THSD7B: variants seen among roughly 807,000 people sequenced by gnomAD.
THSD7B encodes the protein thrombospondin type 1 domain containing 7B, also known as thrombospondin type-1 domain-containing protein 7B.
Under a neutral mutation model 213.6 loss-of-function variants are expected in THSD7B, and 138 were observed. That is an observed-to-expected ratio of 0.65 (90% confidence interval 0.56 to 0.74). The LOEUF (loss-of-function observed/expected upper bound fraction) is 0.74, where lower values mean the gene tolerates loss of function less well. THSD7B is among the 30% of genes least tolerant of loss of function. The probability of loss-of-function intolerance (pLI) is 0.00; values close to 1 mark genes in which losing one functional copy is unlikely to be tolerated. For missense variants in THSD7B, 1,931 were observed against 1,991.5 expected, an observed-to-expected ratio of 0.97 and a Z score of 0.58; for synonymous variants, 742 against 687.0, an observed-to-expected ratio of 1.08 and a Z score of -1.25.
chr2:137,058,614 A>G lies in THSD7B; in HGVS notation c.950+1384A>G, dbSNP rs72985599. Among the ~76,000 whole-genome samples, 300 of 152,310 alleles carry G rather than the reference A, an allele frequency of 2.0e-3. 2 individuals carry two copies. Among genetic ancestry groups the G allele is most frequent in the African/African-American group, 7.0e-3 (290 of 41,566 alleles). ...TTTCATAAACAAACATTTCATAGTT[A>G]CATACACAAACATTGAGTGCATAAC... is the stretch of plus-strand genomic sequence containing the variant. On this transcript the variant is annotated intron_variant, in intron 3 of 27. Coordinates refer to ENST00000409968, the MANE Select transcript of THSD7B (RefSeq NM_001316349.2).
intron 2 of THSD7B, among the ~76,000 whole-genome samples, chr2:137,038,288 T>C (rs537869663): frequency 6.6e-6 from 1 of 152,200 alleles, no homozygotes; most frequent in Non-Finnish European, 1.5e-5. Context: ...TTATTAAAAC[T>C]TCTTCATTCA....
intron 15 of THSD7B, among the ~76,000 whole-genome samples, chr2:137,482,128 C>T (rs1009702150): frequency 2.7e-5 from 4 of 150,344 alleles, no homozygotes; most frequent in Admixed American, 2.7e-4. Context: ...TGCAGTGAGC[C>T]GAGATATTGC....
At chr2:137,419,153 C>T (rs1457524698) in intron 14 of THSD7B, among the ~76,000 whole-genome samples, 1 of 151,704 alleles carries the variant, frequency 6.6e-6, no homozygotes, top group Non-Finnish European at 1.5e-5. Context: ...GGTGATTCAC[C>T]CCTGTTGGCT....
intron 1 of THSD7B, among the ~76,000 whole-genome samples, chr2:136,833,234 G>A (rs960363865): frequency 6.6e-6 from 1 of 151,760 alleles, no homozygotes; most frequent in South Asian, 2.1e-4. Flanking sequence ...GCATGGTGGC[G>A]GGTGCCTGTA....
At chr2:137,373,707 A>T (rs1685587157) in intron 12 of THSD7B, among the ~76,000 whole-genome samples, 1 of 151,992 alleles carries the variant, frequency 6.6e-6, no homozygotes, top group Non-Finnish European at 1.5e-5. Context: ...GCTTAATTAG[A>T]TTCGATTTGT....
chr2:136,787,205 A>C (rs1295500822), intron 1 of THSD7B, among the ~76,000 whole-genome samples: 1 of 152,142 alleles, frequency 6.6e-6, no homozygotes, highest in Non-Finnish European at 1.5e-5. Context: ...ATGAAATCCA[A>C]GAAGCTTCAA....
At chr2:137,042,876 CTTT>C (rs1686907348) in intron 2 of THSD7B, among the ~76,000 whole-genome samples, 2 of 152,308 alleles carry the variant, frequency 1.3e-5, no homozygotes, top group East Asian at 3.9e-4. Flanking sequence ...CTTCAATTCA[CTTT>C]TTTTGTAAGC....
At chr2:137,528,166 T>C (rs996187488) in intron 15 of THSD7B, among the ~76,000 whole-genome samples, 1 of 152,144 alleles carries the variant, frequency 6.6e-6, no homozygotes, top group African/African-American at 2.4e-5. Context: ...CCAAAATTGA[T>C]GTTTGTTGTA....
chr2:137,674,381 C>G (rs968267248), intron 27 of THSD7B, among the ~76,000 whole-genome samples: 4 of 152,144 alleles, frequency 2.6e-5, no homozygotes, highest in Non-Finnish European at 1.5e-5. Context: ...TCCTTGTACT[C>G]TTTTTTGCCA....
chr2:137,356,965 C>G (rs867699123), intron 12 of THSD7B, among the ~76,000 whole-genome samples: 220 of 62,234 alleles, frequency 3.5e-3, no homozygotes, highest in African/African-American at 9.5e-3. Flanking sequence ...CACACACACA[C>G]AGACACACAC....
chr2:136,819,768 C>A (rs573646205), intron 1 of THSD7B, among the ~76,000 whole-genome samples: 1 of 152,202 alleles, frequency 6.6e-6, no homozygotes, highest in South Asian at 2.1e-4. Context: ...CCTCTCCCTC[C>A]CTTCTTTCTT....
rs1392149957 is a variant in THSD7B, at chr2:137,115,304, A to G, written c.1369+11A>G. On this transcript the variant is annotated intron_variant, in intron 5 of 27. Transcript: ENST00000409968. ...TGAGGGCCAAGGAAGGTAGGCAGCC[A>G]GTTCCGGGACAGATGGTGCACTGCT... 3.2e-6 allele frequency: 5 copies of G among 1,541,386 alleles called. No homozygotes were observed. The highest frequency in any genetic ancestry group is 3.5e-6 in the Non-Finnish European group (4 of 1,147,248).
intron 13 of THSD7B, among the ~76,000 whole-genome samples, chr2:137,410,320 G>A (rs1573609510): frequency 6.6e-6 from 1 of 151,786 alleles, no homozygotes; most frequent in East Asian, 1.9e-4. Context: ...CCAGACTAGA[G>A]TGCAGTGATG....
chr2:137,125,908 T>TG (rs1386459713), intron 5 of THSD7B, among the ~76,000 whole-genome samples: 1 of 152,178 alleles, frequency 6.6e-6, no homozygotes, highest in African/African-American at 2.4e-5. Flanking sequence ...TCAGGGCTTT[T>TG]GGGGCATCAG....
intron 2 of THSD7B, among the ~76,000 whole-genome samples, chr2:137,028,172 C>T (rs1686589027): frequency 6.6e-6 from 1 of 152,122 alleles, no homozygotes; most frequent in African/African-American, 2.4e-5. Context: ...CAAAGCAATG[C>T]AGTCGTCTGG....
chr2:137,407,895 T>C (rs1052945271), intron 13 of THSD7B, among the ~76,000 whole-genome samples: 3 of 151,392 alleles, frequency 2.0e-5, no homozygotes, highest in African/African-American at 7.3e-5. Context: ...ATTTATTAGA[T>C]AGAAAACCTG....
intron 7 of THSD7B, among the ~76,000 whole-genome samples, chr2:137,177,563 A>C (rs1680382483): frequency 6.6e-6 from 1 of 152,156 alleles, no homozygotes; most frequent in South Asian, 2.1e-4. Flanking sequence ...CCCCTACCCC[A>C]GAGTTTCTGA....
At chr2:137,089,735 C>T (rs1034333873) in intron 3 of THSD7B, among the ~76,000 whole-genome samples, 2 of 151,738 alleles carry the variant, frequency 1.3e-5, no homozygotes, top group Non-Finnish European at 2.9e-5. Flanking sequence ...ATGGGTGCAC[C>T]GAAATCTCAC....
At position 137,411,490 on chromosome 2, in the gene THSD7B, A is replaced by AG. The variant is rs370001044; in HGVS notation, c.2696-118dup. The AG allele has an allele frequency of 1.0e-3, 984 of 961,850 alleles. 6 individuals are homozygous for AG. The African/African-American group carries it at 0.015, about 14-fold the overall frequency. The allele number at this position is 961,850 out of a possible 1,614,324, so 59.6% of individuals were successfully genotyped here. A position where few individuals can be genotyped will look rare whatever the true frequency, so the allele number is the denominator to read the frequency against. On this transcript the variant is annotated intron_variant, in intron 13 of 27. Coordinates refer to ENST00000409968, the MANE Select transcript of THSD7B (RefSeq NM_001316349.2). ...ATTTACTTTCATGACAAAAGAGTGA[A>AG]GAAAACAAAGGCTTTATTTTATTTA... is the stretch of plus-strand genomic sequence containing the variant.
Sources: gnomAD v4.1 joint callset for allele counts (sites outside exome capture counted in the v4.1 genomes callset) on GRCh38, gnomAD v4.1.1 for gene constraint, MANE v1.5 for transcripts, NCBI Gene and HGNC (gene_info 2026-07-23, HGNC 2026-07-21) for gene names.